IQSEC3: variants seen among roughly 807,000 people sequenced by gnomAD.
IQSEC3 encodes the protein IQ motif and Sec7 domain ArfGEF 3, also known as IQ motif and SEC7 domain-containing protein 3.
Under a neutral mutation model 105.4 loss-of-function variants are expected in IQSEC3, and 50 were observed. The observed-to-expected ratio is 0.47, with a 90% CI of 0.38 to 0.60. The LOEUF (loss-of-function observed/expected upper bound fraction) is 0.60. IQSEC3 is among the 20% of genes least tolerant of loss of function. The pLI is 0.00. For missense variants in IQSEC3, 1,415 were observed against 1,630.0 expected, an observed-to-expected ratio of 0.87 and a Z score of 2.27; for synonymous variants, 708 against 746.0, an observed-to-expected ratio of 0.95 and a Z score of 0.83.
At chr12:149,744 G>A (rs1008765971) in intron 5 of IQSEC3, among the ~76,000 whole-genome samples, 1 of 152,210 alleles carries the variant, frequency 6.6e-6, no homozygotes, top group Non-Finnish European at 1.5e-5. Context: ...AAGACTCCTA[G>A]AGAGGATGAG....
At chr12:83,534 C>T (rs137969472) in intron 1 of IQSEC3, among the ~76,000 whole-genome samples, 32 of 151,266 alleles carry the variant, frequency 2.1e-4, no homozygotes, top group East Asian at 3.9e-4. Flanking sequence ...GAAAGCGTTC[C>T]GTGTAAAGGC....
chr12:122,643 G>A (rs73601076), intron 2 of IQSEC3, among the ~76,000 whole-genome samples: 4,769 of 152,286 alleles, frequency 0.031, 194 homozygotes, highest in African/African-American at 0.096. Flanking sequence ...ACTGGGGCTC[G>A]ATCCCACTGG....
chr12:131,827 G>A (rs1865611986), intron 3 of IQSEC3, among the ~76,000 whole-genome samples: 1 of 152,168 alleles, frequency 6.6e-6, no homozygotes, highest in Admixed American at 6.5e-5. Context: ...CCCAACTCTG[G>A]GATCAGTGGG....
At chr12:76,685 CG>C (rs1863542655) in intron 1 of IQSEC3, among the ~76,000 whole-genome samples, 1 of 152,272 alleles carries the variant, frequency 6.6e-6, no homozygotes, top group African/African-American at 2.4e-5. Flanking sequence ...GCCCCAGAGG[CG>C]TGAGCTCCTG....
chr12:127,302 C>T (rs370705408), intron 3 of IQSEC3, among the ~76,000 whole-genome samples: 9 of 152,010 alleles, frequency 5.9e-5, no homozygotes, highest in South Asian at 4.1e-4. Flanking sequence ...GGGTGGATCA[C>T]GAGGCCAGGA....
At chr12:83,184 A>G (rs1287571608) in intron 1 of IQSEC3, among the ~76,000 whole-genome samples, 1 of 152,268 alleles carries the variant, frequency 6.6e-6, no homozygotes, top group African/African-American at 2.4e-5. Context: ...TGGCATTGTC[A>G]TTTAGGGATG....
chr12:125,287 G>C (rs1430716157), intron 2 of IQSEC3, among the ~76,000 whole-genome samples: 1 of 152,164 alleles, frequency 6.6e-6, no homozygotes, highest in Admixed American at 6.5e-5. Context: ...AGAAACAGAG[G>C]TGCAATGAGG....
At chr12:86,089 T>C (rs544158557) in intron 1 of IQSEC3, among the ~76,000 whole-genome samples, 1 of 152,176 alleles carries the variant, frequency 6.6e-6, no homozygotes, top group Non-Finnish European at 1.5e-5. Flanking sequence ...AGATATGACA[T>C]GTATATAAAC....
At chr12:118,522 A>G (rs1367600039) in intron 2 of IQSEC3, among the ~76,000 whole-genome samples, 4 of 152,056 alleles carry the variant, frequency 2.6e-5, no homozygotes, top group Admixed American at 6.6e-5. Flanking sequence ...AGTCTGGGAT[A>G]ATCTAGTGCA....
intron 1 of IQSEC3, among the ~76,000 whole-genome samples, chr12:70,844 C>T (rs1415033912): frequency 1.3e-5 from 2 of 152,272 alleles, no homozygotes; most frequent in Non-Finnish European, 2.9e-5. Flanking sequence ...AAATCCCAAC[C>T]TCAATATGAC....
intron 1 of IQSEC3, among the ~76,000 whole-genome samples, chr12:73,676 A>AAAAAAGAAAAAG (rs570849165): frequency 1.3e-5 from 2 of 152,104 alleles, no homozygotes; most frequent in Non-Finnish European, 2.9e-5. Flanking sequence ...TGACCCCAAA[A>AAAAAAGAAAAAG]AAAAAGAAAA....
chr12:121,849 T>G (rs1865229180), intron 2 of IQSEC3, among the ~76,000 whole-genome samples: 1 of 152,188 alleles, frequency 6.6e-6, no homozygotes, highest in African/African-American at 2.4e-5. Flanking sequence ...CTGTCCTAGG[T>G]GCTGTGTGTG....
chr12:124,389 C>CAAAAAAA (rs55767927), intron 2 of IQSEC3, among the ~76,000 whole-genome samples: 1 of 124,936 alleles, frequency 8.0e-6, no homozygotes, highest in Non-Finnish European at 1.6e-5. Flanking sequence ...AACTCCATCT[C>CAAAAAAA]AAAAAAAAAA....
intron 8 of IQSEC3, among the ~76,000 whole-genome samples, chr12:162,444 G>A (rs1390636646): frequency 6.6e-6 from 1 of 152,066 alleles, no homozygotes; most frequent in Admixed American, 6.6e-5. Context: ...ATAGGCTCCA[G>A]GCTGTGGCAT....
chr12:160,826 CTTAT>C (rs1270023231), intron 7 of IQSEC3, among the ~76,000 whole-genome samples: 1 of 152,214 alleles, frequency 6.6e-6, no homozygotes, highest in African/African-American at 2.4e-5. Flanking sequence ...AATCCATCCA[CTTAT>C]TTATCCACTT....
chr12:84,847 T>C (rs953101708), intron 1 of IQSEC3, among the ~76,000 whole-genome samples: 4 of 152,174 alleles, frequency 2.6e-5, no homozygotes, highest in Admixed American at 1.3e-4. Flanking sequence ...TTCAAGAGTC[T>C]GACTGTGCTA....
At chr12:68,434 T>C (rs1863183127) in intron 1 of IQSEC3, among the ~76,000 whole-genome samples, 1 of 152,150 alleles carries the variant, frequency 6.6e-6, no homozygotes, top group Admixed American at 6.5e-5. Context: ...AATGTTAACC[T>C]CTCAGTTCCT....
intron 1 of IQSEC3, among the ~76,000 whole-genome samples, chr12:79,630 C>G (rs1197219128): frequency 2.6e-5 from 4 of 152,084 alleles, no homozygotes; most frequent in African/African-American, 9.7e-5. Flanking sequence ...GGAGGCCTCC[C>G]TATGTTGCCC....
At chr12:76,262 C>G (rs1555069089) in intron 1 of IQSEC3, among the ~76,000 whole-genome samples, 1 of 152,242 alleles carries the variant, frequency 6.6e-6, no homozygotes, top group Non-Finnish European at 1.5e-5. Context: ...CATGAACCAG[C>G]AGCACCCAGA....
Sources: gnomAD v4.1 joint callset for allele counts (sites outside exome capture counted in the v4.1 genomes callset) on GRCh38, gnomAD v4.1.1 for gene constraint, MANE v1.5 for transcripts, NCBI Gene and HGNC (gene_info 2026-07-23, HGNC 2026-07-21) for gene names.